Variants in PLA1A observed in about 807,000 individuals in gnomAD.
PLA1A encodes the protein phospholipase A1 member A, also known as phosphatidylserine-specific phospholipase A1alpha.
PLA1A carries 47 observed loss-of-function variants against 49.4 expected under a neutral mutation model. The observed-to-expected ratio is 0.95, with a 90% CI of 0.75 to 1.21. The LOEUF (loss-of-function observed/expected upper bound fraction) is 1.21, where lower values mean the gene tolerates loss of function less well. PLA1A is among the 50% of genes most tolerant of loss of function. The pLI, the probability that PLA1A is intolerant of heterozygous loss-of-function variation, is 0.00. For missense variants in PLA1A, 561 were observed against 563.9 expected, an observed-to-expected ratio of 0.99 and a Z score of 0.05; for synonymous variants, 224 against 207.9, an observed-to-expected ratio of 1.08 and a Z score of -0.67.
At chr3:119,620,054 C>G (rs2082908128) in intron 8 of PLA1A, 1 of 459,610 alleles carries the variant, frequency 2.2e-6, no homozygotes, top group African/African-American at 2.0e-5. Context: ...ACCTTTCCCT[C>G]TGGTCTCCTT....
Position 119,608,682 on chromosome 3 carries a change from T to C in PLA1A, c.276-88T>C, listed in dbSNP as rs2082726413. The C allele has an allele frequency of 3.9e-6, 4 of 1,015,630 alleles. No homozygotes were observed. The East Asian group carries it at 9.5e-5, about 24-fold the overall frequency. The allele number at this position is 1,015,630 out of a possible 1,614,324, so 62.9% of individuals were successfully genotyped here. A position where few individuals can be genotyped will look rare whatever the true frequency, so the allele number is the denominator to read the frequency against. ...GCCCTTCTCTAGTTTTGATTTCTTTTCTGGGTTTGAGATTAATAGAGGTTT... is the reference window on the plus strand; with the variant it reads ...GCCCTTCTCTAGTTTTGATTTCTTTCCTGGGTTTGAGATTAATAGAGGTTT... On this transcript the variant is annotated intron_variant, in intron 2 of 10. Coordinates refer to ENST00000273371, the MANE Select transcript of PLA1A (RefSeq NM_015900.4).
At chr3:119,621,559 C>T (rs558572121) in intron 8 of PLA1A, among the ~76,000 whole-genome samples, 9 of 152,364 alleles carry the variant, frequency 5.9e-5, no homozygotes, top group African/African-American at 1.7e-4. Flanking sequence ...GCCAGGCATG[C>T]GCCAGCATGG....
At chr3:119,602,399 A>T (rs1028796362) in intron 1 of PLA1A, among the ~76,000 whole-genome samples, 2 of 152,180 alleles carry the variant, frequency 1.3e-5, no homozygotes, top group African/African-American at 4.8e-5. Context: ...CTAGGAAATG[A>T]TCCATTTTCT....
chr3:119,615,928 T>C, intron 5 of PLA1A, 84 bp from the exon 6 acceptor site: 1 of 787,804 alleles, frequency 1.3e-6, no homozygotes, highest in Non-Finnish European at 2.2e-6. Flanking sequence ...AGAGAGTGGG[T>C]GGGCTCCCAA....
Position 119,618,008 on chromosome 3 carries a change from T to C in PLA1A, c.755-11T>C. On this transcript the variant is annotated splice_polypyrimidine_tract_variant and intron_variant, in intron 6 of 10. Transcript: ENST00000273371. ...TGACTGAAACCTTGGTTGTGTTTTT[T>C]CTCTGTTCAGGTTATAGTTATCTGA... is the stretch of plus-strand genomic sequence containing the variant. 3.2e-6 allele frequency: 5 copies of C among 1,586,526 alleles called. No homozygotes were observed. The highest frequency in any genetic ancestry group is 3.4e-6 in the Non-Finnish European group (4 of 1,166,164).
chr3:119,607,328 C>T (rs2082702645), intron 2 of PLA1A, among the ~76,000 whole-genome samples: 1 of 152,188 alleles, frequency 6.6e-6, no homozygotes, highest in Non-Finnish European at 1.5e-5. Context: ...TTTATGGGTG[C>T]TACTTCCGTC....
At position 119,601,902 on chromosome 3, in the gene PLA1A, T is replaced by C. The variant is rs559648200; in HGVS notation, c.73+3916T>C. On this transcript the variant is annotated intron_variant, in intron 1 of 10. Coordinates refer to ENST00000273371, the MANE Select transcript of PLA1A (RefSeq NM_015900.4). ...AGTGTTCTTTTTTTCTGCTCATCCG[T>C]TGAGATGAGCATATGGTTTTTCTTC... is the stretch of plus-strand genomic sequence containing the variant. 5.9e-5 allele frequency among the ~76,000 whole-genome samples: 9 copies of C among 152,292 alleles called. 1 individual carries two copies. The South Asian group carries it at 1.7e-3, about 28-fold the overall frequency.
intron 1 of PLA1A, among the ~76,000 whole-genome samples, chr3:119,603,076 A>G (rs774956519): frequency 6.6e-5 from 10 of 152,334 alleles, no homozygotes; most frequent in Admixed American, 5.2e-4. Context: ...GGATTAGCTC[A>G]GTTAGGGCCT....
chr3:119,618,207 C>A, intron 7 of PLA1A, 21 bp downstream of exon 7: 1 of 1,588,760 alleles, frequency 6.3e-7, no homozygotes, highest in South Asian at 1.1e-5. Flanking sequence ...ACCCCTTTGA[C>A]TTCCTTTGAC....
At chr3:119,605,686 T>C (rs1465287408) in intron 1 of PLA1A, among the ~76,000 whole-genome samples, 1 of 152,212 alleles carries the variant, frequency 6.6e-6, no homozygotes, top group Non-Finnish European at 1.5e-5. Context: ...TGCATGGAAG[T>C]CAGGGACCAC....
chr3:119,611,227 G>A (rs1283055502), intron 4 of PLA1A, among the ~76,000 whole-genome samples: 1 of 152,126 alleles, frequency 6.6e-6, no homozygotes, highest in Non-Finnish European at 1.5e-5. Context: ...TAGGCTTGTA[G>A]TATAGTTTGA....
chr3:119,621,389 T>C (rs2082927517), intron 8 of PLA1A, among the ~76,000 whole-genome samples: 1 of 152,136 alleles, frequency 6.6e-6, no homozygotes, highest in African/African-American at 2.4e-5. Flanking sequence ...AGCTGTCACT[T>C]CTAGGGATGG....
intron 5 of PLA1A, among the ~76,000 whole-genome samples, 171 bp from the exon 6 acceptor site, chr3:119,615,841 G>GA (rs534419156): frequency 2.4e-3 from 262 of 108,586 alleles, no homozygotes; most frequent in Non-Finnish European, 2.9e-3. Context: ...AAAAGAAAAA[G>GA]AAAAGAAAAG....
chr3:119,622,889 C>T (rs915513483), intron 8 of PLA1A, among the ~76,000 whole-genome samples: 2 of 152,108 alleles, frequency 1.3e-5, no homozygotes, highest in Non-Finnish European at 1.5e-5. Flanking sequence ...TGCAGTGGCA[C>T]GATCTTGACT....
chr3:119,623,242 G>T (rs1217671971), intron 8 of PLA1A, among the ~76,000 whole-genome samples: 1 of 151,790 alleles, frequency 6.6e-6, no homozygotes, highest in African/African-American at 2.4e-5. Flanking sequence ...CCCATGCTCA[G>T]GTGATCCTCC....
intron 1 of PLA1A, among the ~76,000 whole-genome samples, chr3:119,601,517 T>C (rs1165945306): frequency 6.6e-6 from 1 of 152,252 alleles, no homozygotes; most frequent in Admixed American, 6.5e-5. Context: ...CTCATTTCTA[T>C]TGTTTATAAA....
chr3:119,627,069 A>G (rs532290771), intron 9 of PLA1A, among the ~76,000 whole-genome samples: 1 of 150,284 alleles, frequency 6.7e-6, no homozygotes, highest in East Asian at 1.9e-4. Context: ...GACCAATCAC[A>G]TCAGGGTCTC....
chr3:119,597,925 T>C lies in PLA1A; in HGVS notation c.12T>C (p.Gly4=). The change falls in exon 1 of 11, where the codon GGT becomes GGC. Residue 4 remains glycine, a synonymous_variant. Coordinates refer to ENST00000273371, the MANE Select transcript of PLA1A (RefSeq NM_015900.4). ...TTTCCAGCTCAGCGATGCCCCCAGG[T>C]CCCTGGGAGAGCTGCTTCTGGGTGG... is the stretch of plus-strand genomic sequence containing the variant. MPP[G]PWESCFWVGG... is the part of the protein sequence containing the mutation. 1 of 1,608,064 alleles carries C rather than the reference T, an allele frequency of 6.2e-7. No homozygotes were observed.
At chr3:119,611,038 G>A (rs867121364) in intron 4 of PLA1A, among the ~76,000 whole-genome samples, 2 of 152,150 alleles carry the variant, frequency 1.3e-5, no homozygotes, top group Admixed American at 6.5e-5. Flanking sequence ...TGGTCAGCCA[G>A]TTTTCCCACA....
Sources: allele counts gnomAD v4.1 joint callset (sites outside exome capture counted in the v4.1 genomes callset), GRCh38; gene constraint gnomAD v4.1.1; transcripts MANE v1.5; gene names NCBI Gene and HGNC (gene_info 2026-07-23, HGNC 2026-07-21).